Variants in DENND5B observed in about 807,000 individuals in gnomAD.
DENND5B encodes DENN domain-containing protein 5B.
In DENND5B, 34 loss-of-function variants were observed where a neutral mutation model predicts 140.6. The observed-to-expected ratio is 0.24, with a 90% CI of 0.18 to 0.32. DENND5B has a LOEUF of 0.32. Among genes scored for constraint, DENND5B ranks in the 10% least tolerant of loss-of-function variants. The probability of loss-of-function intolerance (pLI) is 1.00; values close to 1 mark genes in which losing one functional copy is unlikely to be tolerated. For synonymous variants in DENND5B, 551 were observed against 562.1 expected, an observed-to-expected ratio of 0.98 and a Z score of 0.28; for missense variants, 1,142 against 1,560.2, an observed-to-expected ratio of 0.73 and a Z score of 4.52.
intron 2 of DENND5B, among the ~76,000 whole-genome samples, chr12:31,491,416 T>G (rs766932398): frequency 3.3e-5 from 5 of 152,106 alleles, no homozygotes; most frequent in Non-Finnish European, 7.4e-5. Flanking sequence ...ATTGCACCAC[T>G]GAACTGCCAG....
At chr12:31,493,714 T>A (rs1183884594) in intron 2 of DENND5B, among the ~76,000 whole-genome samples, 1 of 151,764 alleles carries the variant, frequency 6.6e-6, no homozygotes, top group East Asian at 1.9e-4. Context: ...GCCTGTAATC[T>A]CAGCTACTCG....
chr12:31,519,131 A>C (rs1172636440), intron 1 of DENND5B, among the ~76,000 whole-genome samples: 1 of 152,246 alleles, frequency 6.6e-6, no homozygotes, highest in African/African-American at 2.4e-5. Context: ...GAGATACGGA[A>C]GACAAACGAT....
At position 31,382,949 on chromosome 12, in the gene DENND5B, TCTC is replaced by T. The variant is rs940860239; in HGVS notation, c.*4651_*4653del. 11 of 152,224 alleles carry T rather than the reference TCTC, an allele frequency of 7.2e-5. No homozygotes were observed. Among genetic ancestry groups the T allele is most frequent in the African/African-American group, 2.6e-4 (11 of 41,556 alleles). The allele number at this position is 152,224 out of a possible 1,614,324, so 9.4% of individuals were successfully genotyped here. On this transcript the variant is annotated 3_prime_UTR_variant, in exon 21 of 21. Coordinates refer to ENST00000389082, the MANE Select transcript of DENND5B (RefSeq NM_144973.4). ...CCTAGTAGTTTATTATCCTTTTCTGTCTCCTATTTATGCTAAACAGTAAAGTAA... is the reference window on the plus strand; with the variant it reads ...CCTAGTAGTTTATTATCCTTTTCTGTCTATTTATGCTAAACAGTAAAGTAA...
intron 1 of DENND5B, among the ~76,000 whole-genome samples, chr12:31,503,531 A>T (rs1355500340): frequency 1.3e-5 from 2 of 152,210 alleles, no homozygotes; most frequent in African/African-American, 2.4e-5. Context: ...AGCCTGGGCA[A>T]CAGGGCCAAA....
At chr12:31,455,279 A>G (rs893713318) in intron 4 of DENND5B, among the ~76,000 whole-genome samples, 1 of 152,144 alleles carries the variant, frequency 6.6e-6, no homozygotes, top group African/African-American at 2.4e-5. Context: ...AGGGAAAATG[A>G]TACATTTTCT....
chr12:31,411,414 G>A (rs111364458), intron 13 of DENND5B, among the ~76,000 whole-genome samples: 25 of 147,356 alleles, frequency 1.7e-4, no homozygotes, highest in Non-Finnish European at 3.0e-4. Context: ...GCGCGATCTC[G>A]GCTCACTGCA....
chr12:31,502,306 C>T (rs1342551308), intron 1 of DENND5B, among the ~76,000 whole-genome samples: 2 of 150,314 alleles, frequency 1.3e-5, no homozygotes, highest in Non-Finnish European at 3.0e-5. Context: ...CAGAGCAAAG[C>T]TGTCTCAAAA....
At chr12:31,420,467 A>G (rs1433165663) in intron 11 of DENND5B, among the ~76,000 whole-genome samples, 1 of 147,334 alleles carries the variant, frequency 6.8e-6, no homozygotes, top group African/African-American at 2.5e-5. Flanking sequence ...TTTTTGAGAC[A>G]GCATCTTGCT....
intron 1 of DENND5B, among the ~76,000 whole-genome samples, chr12:31,520,264 G>A (rs1418699170): frequency 6.6e-6 from 1 of 152,202 alleles, no homozygotes. Flanking sequence ...CTGCGTTGAA[G>A]TTCTTACTAA....
chr12:31,448,991 C>T (rs78244967), intron 5 of DENND5B, among the ~76,000 whole-genome samples: 2,711 of 152,258 alleles, frequency 0.018, 38 homozygotes, highest in Middle Eastern at 0.034. Context: ...TAATCAGTTC[C>T]TAATTAAAAG....
At chr12:31,576,899 T>A (rs1429569422) in intron 1 of DENND5B, among the ~76,000 whole-genome samples, 1 of 148,690 alleles carries the variant, frequency 6.7e-6, no homozygotes. Flanking sequence ...ACCTTATTTC[T>A]AAAAAAAAAA....
At chr12:31,489,285 C>T (rs1346363019) in intron 2 of DENND5B, among the ~76,000 whole-genome samples, 1 of 152,162 alleles carries the variant, frequency 6.6e-6, no homozygotes, top group East Asian at 1.9e-4. Flanking sequence ...CCCTCCCTCC[C>T]TCCCCTCTTC....
At chr12:31,590,003 C>T (rs1239796528) in intron 1 of DENND5B, 2 of 152,376 alleles carry the variant, frequency 1.3e-5, no homozygotes, top group South Asian at 2.1e-4. Flanking sequence ...GTGCACCCAA[C>T]TGAATTTAAA....
intron 1 of DENND5B, among the ~76,000 whole-genome samples, chr12:31,540,523 G>A (rs1014998611): frequency 8.6e-5 from 13 of 151,858 alleles, no homozygotes; most frequent in African/African-American, 2.9e-4. Context: ...GTGAGGTGGC[G>A]ACTACCTGTA....
intron 14 of DENND5B, among the ~76,000 whole-genome samples, chr12:31,408,704 T>C (rs1275153152): frequency 6.6e-6 from 1 of 152,076 alleles, no homozygotes; most frequent in Non-Finnish European, 1.5e-5. Context: ...TTGCATAAGT[T>C]TATTATTAAC....
chr12:31,449,731 G>GTTTTTTT (rs771712867), intron 5 of DENND5B, among the ~76,000 whole-genome samples: 18,990 of 87,588 alleles, frequency 0.22, 2,984 homozygotes, highest in Non-Finnish European at 0.29. Context: ...ACACAGATTA[G>GTTTTTTT]TTTTTTTTTT....
chr12:31,565,891 CA>C (rs1468590010), intron 1 of DENND5B, among the ~76,000 whole-genome samples: 6 of 152,124 alleles, frequency 3.9e-5, no homozygotes, highest in Non-Finnish European at 2.9e-5. Context: ...CCTGTAATCC[CA>C]GCACTTTGGG....
intron 17 of DENND5B, 72 bp downstream of exon 17, chr12:31,398,103 A>AG: frequency 1.4e-6 from 2 of 1,393,808 alleles, no homozygotes; most frequent in Non-Finnish European, 1.9e-6. Flanking sequence ...CATTAACACA[A>AG]CTGTTTTCTA....
chr12:31,570,589 A>T (rs569844932), intron 1 of DENND5B, among the ~76,000 whole-genome samples: 2 of 98,576 alleles, frequency 2.0e-5, no homozygotes, highest in South Asian at 3.1e-4. Context: ...AATTCTCTTT[A>T]AAAAAAAAAA....
Sources: allele counts gnomAD v4.1 joint callset (sites outside exome capture counted in the v4.1 genomes callset), GRCh38; gene constraint gnomAD v4.1.1; transcripts MANE v1.5; gene names NCBI Gene and HGNC (gene_info 2026-07-23, HGNC 2026-07-21).